AK4: variants seen among roughly 807,000 people sequenced by gnomAD.
The protein encoded by AK4 is adenylate kinase 4, mitochondrial.
In AK4, 13 loss-of-function variants were observed where a neutral mutation model predicts 24.6. The observed-to-expected ratio is 0.53, with a 90% CI of 0.34 to 0.84. The LOEUF (loss-of-function observed/expected upper bound fraction) is 0.84. AK4 is among the 40% of genes least tolerant of loss of function. AK4 has a pLI of 0.01. For synonymous variants in AK4, 88 were observed against 107.0 expected, an observed-to-expected ratio of 0.82 and a Z score of 1.10; for missense variants, 192 against 288.2, an observed-to-expected ratio of 0.67 and a Z score of 2.42.
At chr1:65,152,214 A>G (rs1313048614) in intron 1 of AK4, among the ~76,000 whole-genome samples, 2 of 151,228 alleles carry the variant, frequency 1.3e-5, no homozygotes, top group Non-Finnish European at 2.9e-5. Flanking sequence ...TACTGGATCT[A>G]CTATCTCAAG....
chr1:65,162,467 T>A (rs1393181761), intron 1 of AK4, among the ~76,000 whole-genome samples: 1 of 152,194 alleles, frequency 6.6e-6, no homozygotes, highest in Non-Finnish European at 1.5e-5. Flanking sequence ...TGGAAGGTTT[T>A]CAGGTTGTTA....
chr1:65,211,533 T>C (rs1651971573), intron 2 of AK4, among the ~76,000 whole-genome samples: 2 of 152,244 alleles, frequency 1.3e-5, no homozygotes, highest in Non-Finnish European at 2.9e-5. Context: ...CAAATAGCAC[T>C]TGATTTAAAG....
At chr1:65,175,297 C>T (rs533242702) in intron 1 of AK4, among the ~76,000 whole-genome samples, 1 of 152,324 alleles carries the variant, frequency 6.6e-6, no homozygotes, top group African/African-American at 2.4e-5. Flanking sequence ...GGTTGCTGAG[C>T]AGCACACATT....
intron 2 of AK4, among the ~76,000 whole-genome samples, chr1:65,197,841 G>T (rs574462579): frequency 1.3e-5 from 2 of 152,298 alleles, no homozygotes; most frequent in African/African-American, 4.8e-5. Flanking sequence ...CCTCTGAGGA[G>T]TGTCACATCC....
chr1:65,189,677 A>ACC (rs369650731), intron 1 of AK4, among the ~76,000 whole-genome samples: 6,131 of 150,832 alleles, frequency 0.041, 205 homozygotes, highest in African/African-American at 0.093. Flanking sequence ...ACACACACAC[A>ACC]CCCCACACAT....
In AK4 at chr1:65,202,762, A is replaced by G. The variant is rs370729665; in HGVS notation, c.265+11933A>G. ...TAATAATAATTATTGTGCACTTACA[A>G]TGCACAAACCATGATGCTAAGAAGA... On this transcript the variant is annotated intron_variant, in intron 2 of 4. Transcript: ENST00000327299. Among the ~76,000 whole-genome samples the G allele has an allele frequency of 4.6e-5, 7 of 152,174 alleles. No individual in the cohort carries two copies. The East Asian group carries it at 7.7e-4, about 17-fold the overall frequency.
At chr1:65,172,855 ATTTTTTTT>A (rs11408059) in intron 1 of AK4, among the ~76,000 whole-genome samples, 4 of 110,918 alleles carry the variant, frequency 3.6e-5, no homozygotes, top group East Asian at 2.8e-4. Flanking sequence ...CCAGCAAGAG[ATTTTTTTT>A]TTTTTTTTTT....
intron 2 of AK4, among the ~76,000 whole-genome samples, chr1:65,200,982 C>T (rs547133629): frequency 7.9e-5 from 12 of 152,186 alleles, no homozygotes; most frequent in East Asian, 3.9e-4. Context: ...TTAGTAGAGA[C>T]GGGGTTTCGC....
intron 1 of AK4, among the ~76,000 whole-genome samples, chr1:65,184,656 TATC>T (rs1043636819): frequency 8.5e-5 from 13 of 152,324 alleles, no homozygotes; most frequent in Admixed American, 2.6e-4. Context: ...CCATGCATGC[TATC>T]ATCAGCATTT....
chr1:65,148,163 G>A, upstream of AK4: 3 of 761,774 alleles, frequency 3.9e-6, no homozygotes, highest in Non-Finnish European at 5.8e-6. Flanking sequence ...GGAGGAGGGC[G>A]AGGAGGTGGA....
chr1:65,206,993 G>A (rs1018800215), intron 2 of AK4, among the ~76,000 whole-genome samples: 1 of 152,182 alleles, frequency 6.6e-6, no homozygotes, highest in Non-Finnish European at 1.5e-5. Flanking sequence ...GATGATCCCA[G>A]AGGATCTCAG....
chr1:65,209,036 G>A (rs1651894753), intron 2 of AK4, among the ~76,000 whole-genome samples: 2 of 152,172 alleles, frequency 1.3e-5, no homozygotes, highest in Admixed American at 1.3e-4. Context: ...CATAATTAGT[G>A]ATATAACAAG....
At chr1:65,147,570 C>A (rs1417298569), upstream of AK4, 1 of 151,826 alleles carries the variant, frequency 6.6e-6, no homozygotes, top group African/African-American at 2.4e-5. Context: ...GCGAGTCCCG[C>A]GCGGCCGGCC....
chr1:65,186,478 AGC>A (rs386631947), intron 1 of AK4, among the ~76,000 whole-genome samples: 12,756 of 152,258 alleles, frequency 0.084, 704 homozygotes, highest in Admixed American at 0.21. Context: ...CTATATTTTA[AGC>A]ACTGAGGATG....
chr1:65,161,700 AT>A (rs993374920), intron 1 of AK4, among the ~76,000 whole-genome samples: 3 of 151,960 alleles, frequency 2.0e-5, no homozygotes, highest in Admixed American at 6.6e-5. Flanking sequence ...TTGAATAGTA[AT>A]TTTTTTTCAT....
rs1471570243 is a variant in AK4 at position 65,227,032 on chromosome 1, CT to C, written c.*856del. The C allele has an allele frequency of 4.9e-5, 7 of 141,956 alleles. No individual in the cohort carries two copies. The highest frequency in any genetic ancestry group is 4.6e-5 in the Non-Finnish European group (3 of 65,928). The allele number at this position is 141,956 out of a possible 1,614,324, so 8.8% of individuals were successfully genotyped here. A position where few individuals can be genotyped will look rare whatever the true frequency, so the allele number is the denominator to read the frequency against. On this transcript the variant is annotated 3_prime_UTR_variant, in exon 5 of 5. Coordinates refer to ENST00000327299, the MANE Select transcript of AK4 (RefSeq NM_013410.4). ...TTTATTGTGAAAAAAAAAAAAAACCCTGAAAGTCTTGGGAACCCCCTAAAGT... is the reference window on the plus strand; with the variant it reads ...TTTATTGTGAAAAAAAAAAAAAACCCGAAAGTCTTGGGAACCCCCTAAAGT...
chr1:65,183,488 C>T (rs1183654121), intron 1 of AK4, among the ~76,000 whole-genome samples: 2 of 152,118 alleles, frequency 1.3e-5, no homozygotes, highest in Non-Finnish European at 2.9e-5. Flanking sequence ...GGGCAACCCA[C>T]CCAACCTTGG....
At chr1:65,221,291 A>G (rs867219221) in intron 3 of AK4, among the ~76,000 whole-genome samples, 6 of 152,344 alleles carry the variant, frequency 3.9e-5, no homozygotes, top group Admixed American at 1.3e-4. Flanking sequence ...TTATGGAAAC[A>G]TTACACTTGG....
intron 2 of AK4, among the ~76,000 whole-genome samples, chr1:65,214,256 G>A (rs919141460): frequency 6.6e-6 from 1 of 152,126 alleles, no homozygotes; most frequent in Admixed American, 6.6e-5. Flanking sequence ...GATTACAGGC[G>A]TGGGCCACCA....
Sources: gnomAD v4.1 joint callset for allele counts (sites outside exome capture counted in the v4.1 genomes callset) on GRCh38, gnomAD v4.1.1 for gene constraint, MANE v1.5 for transcripts, NCBI Gene and HGNC (gene_info 2026-07-23, HGNC 2026-07-21) for gene names.